CACNB2: variants seen among roughly 807,000 people sequenced by gnomAD.
The protein encoded by CACNB2 is calcium voltage-gated channel auxiliary subunit beta 2.
In CACNB2, 42 loss-of-function variants were observed where a neutral mutation model predicts 73.3. The observed-to-expected ratio is 0.57, with a 90% CI of 0.45 to 0.74. The LOEUF (loss-of-function observed/expected upper bound fraction) is 0.74. Ranked by LOEUF, CACNB2 falls within the 30% of genes least tolerant of loss-of-function variation. The probability of loss-of-function intolerance (pLI) is 0.00; values close to 1 mark genes in which losing one functional copy is unlikely to be tolerated. For synonymous variants in CACNB2, 348 were observed against 310.3 expected, an observed-to-expected ratio of 1.12 and a Z score of -1.28; for missense variants, 940 against 853.0, an observed-to-expected ratio of 1.10 and a Z score of -1.27.
chr10:18,495,310 C>T (rs550398812), intron 3 of CACNB2, among the ~76,000 whole-genome samples: 6 of 151,774 alleles, frequency 4.0e-5, no homozygotes, highest in African/African-American at 1.5e-4. Flanking sequence ...GCCTCTGCCT[C>T]CCGGGTTCAA....
intron 6 of CACNB2, among the ~76,000 whole-genome samples, chr10:18,506,778 A>T (rs143586137): frequency 3.3e-5 from 5 of 152,002 alleles, no homozygotes; most frequent in Non-Finnish European, 5.9e-5. Context: ...AGATGATCAA[A>T]GTGATTAATG....
chr10:18,251,448 A>G (rs1286199257), intron 2 of CACNB2, among the ~76,000 whole-genome samples: 1 of 152,072 alleles, frequency 6.6e-6, no homozygotes, highest in Non-Finnish European at 1.5e-5. Flanking sequence ...GGGTTTCACC[A>G]TGTTGGCCAG....
chr10:18,401,586 T>G (rs2044000565), intron 2 of CACNB2, among the ~76,000 whole-genome samples: 1 of 152,220 alleles, frequency 6.6e-6, no homozygotes, highest in Non-Finnish European at 1.5e-5. Flanking sequence ...TAGATTGTTC[T>G]TGAAGCTATC....
At chr10:18,202,072 A>G (rs904484804) in intron 2 of CACNB2, among the ~76,000 whole-genome samples, 8 of 152,222 alleles carry the variant, frequency 5.3e-5, no homozygotes, top group Non-Finnish European at 1.0e-4. Flanking sequence ...CTCTGTGTTA[A>G]TAGACAGTTC....
chr10:18,174,406 T>C (rs12412532), intron 2 of CACNB2, among the ~76,000 whole-genome samples: 14,456 of 148,348 alleles, frequency 0.097, 798 homozygotes, highest in East Asian at 0.26. Flanking sequence ...CTCTCTTTCT[T>C]TCCTTCTTTC....
intron 2 of CACNB2, among the ~76,000 whole-genome samples, chr10:18,300,821 C>G (rs1390966263): frequency 2.0e-5 from 3 of 151,886 alleles, no homozygotes; most frequent in African/African-American, 7.3e-5. Flanking sequence ...TGCACTCCAG[C>G]CTGGGTAACA....
At chr10:18,203,001 A>G (rs538500640) in intron 2 of CACNB2, among the ~76,000 whole-genome samples, 119 of 152,298 alleles carry the variant, frequency 7.8e-4, no homozygotes, top group Admixed American at 1.3e-3. Flanking sequence ...CCATCACTGA[A>G]CATTTTCCTT....
intron 2 of CACNB2, among the ~76,000 whole-genome samples, chr10:18,259,803 G>T (rs556564901): frequency 6.6e-6 from 1 of 152,004 alleles, no homozygotes; most frequent in East Asian, 1.9e-4. Flanking sequence ...CTTGGGAGTC[G>T]GAGGTGGGAG....
At chr10:18,536,242 C>CTT in intron 12 of CACNB2, 46 bp downstream of exon 12, 1 of 281,274 alleles carries the variant, frequency 3.6e-6, no homozygotes, top group Non-Finnish European at 5.8e-6. Flanking sequence ...AGAGATCAGA[C>CTT]CTTTTTTTTT....
Position 18,540,867 on chromosome 10 carries a change from C to T in CACNB2, c.*1143C>T, listed in dbSNP as rs2054035433. ...ATTTAATTAATTGTGCTATATGTTG[C>T]TTTAACAACCCATTGAGCAGTCAGG... On this transcript the variant is annotated 3_prime_UTR_variant, in exon 14 of 14. Transcript: ENST00000324631. The T allele has an allele frequency of 6.6e-6, 1 of 152,612 alleles. No individual in the cohort carries two copies. The highest frequency in any genetic ancestry group is 1.5e-5 in the Non-Finnish European group (1 of 68,050). The allele number at this position is 152,612 out of a possible 1,614,324, so 9.5% of individuals were successfully genotyped here.
chr10:18,300,962 C>A (rs902836151), intron 2 of CACNB2, among the ~76,000 whole-genome samples: 1 of 152,232 alleles, frequency 6.6e-6, no homozygotes, highest in Non-Finnish European at 1.5e-5. Flanking sequence ...ATAGGATTTC[C>A]TAAGGACTAG....
chr10:18,492,087 A>G (rs940420098), intron 3 of CACNB2, among the ~76,000 whole-genome samples: 4 of 152,154 alleles, frequency 2.6e-5, no homozygotes, highest in African/African-American at 4.8e-5. Flanking sequence ...AAGCAGGCAT[A>G]TCATACATGG....
rs58345605 is a variant in CACNB2 at position 18,172,924 on chromosome 10, C to CT, written c.213+21964dup. Among the ~76,000 whole-genome samples the CT allele has an allele frequency of 1.1e-3, 131 of 117,470 alleles. 3 individuals carry two copies. Among genetic ancestry groups the CT allele is most frequent in the South Asian group, 4.0e-3 (14 of 3,458 alleles). The allele number at this position is 117,470 out of a possible 152,430, so 77.1% of individuals were successfully genotyped here. ...CTTCAAATAGGGAAAATAATAAGGC[C>CT]TTTTTTTTTTTTTTTAAATGGAGTT... On this transcript the variant is annotated intron_variant, in intron 2 of 13. Transcript: ENST00000324631.
rs60877861 is a variant in CACNB2 at position 18,338,916 on chromosome 10, T to C, written c.214-63008T>C. 2.2e-3 allele frequency among the ~76,000 whole-genome samples: 332 copies of C among 151,958 alleles called. 3 individuals are homozygous for C. The highest frequency in any genetic ancestry group is 7.6e-3 in the African/African-American group (316 of 41,448). ...ACCATGCCTAGCTAATTTTTAAATT[T>C]TTTTGCAGAGACGGGGTCTTCCTTT... On this transcript the variant is annotated intron_variant, in intron 2 of 13. Coordinates refer to ENST00000324631, the MANE Select transcript of CACNB2 (RefSeq NM_201596.3).
intron 6 of CACNB2, among the ~76,000 whole-genome samples, chr10:18,510,174 G>A (rs1564632554): frequency 6.6e-6 from 1 of 152,122 alleles, no homozygotes; most frequent in Non-Finnish European, 1.5e-5. Flanking sequence ...GTACATTATA[G>A]AAAGTTCTCA....
At chr10:18,227,940 T>C (rs193165273) in intron 2 of CACNB2, among the ~76,000 whole-genome samples, 5 of 152,102 alleles carry the variant, frequency 3.3e-5, no homozygotes, top group African/African-American at 9.6e-5. Flanking sequence ...AATTTGATGA[T>C]TGAGAGAGTG....
intron 2 of CACNB2, among the ~76,000 whole-genome samples, chr10:18,315,427 A>G (rs1390425188): frequency 1.4e-5 from 2 of 145,674 alleles, no homozygotes; most frequent in Non-Finnish European, 3.0e-5. Flanking sequence ...TTGGGAGGAC[A>G]AGGCAGGAGG....
intron 2 of CACNB2, among the ~76,000 whole-genome samples, chr10:18,323,043 G>A (rs747215853): frequency 2.8e-5 from 4 of 143,724 alleles, no homozygotes; most frequent in Non-Finnish European, 4.5e-5. Context: ...GCCCATTGCT[G>A]GCTTCTCCTC....
At chr10:18,424,445 G>A (rs2045493173) in intron 3 of CACNB2, among the ~76,000 whole-genome samples, 1 of 152,078 alleles carries the variant, frequency 6.6e-6, no homozygotes, top group East Asian at 1.9e-4. Flanking sequence ...TAACGCCTGG[G>A]TGTTGCCATG....
Sources: allele counts gnomAD v4.1 joint callset (sites outside exome capture counted in the v4.1 genomes callset), GRCh38; gene constraint gnomAD v4.1.1; transcripts MANE v1.5; gene names NCBI Gene and HGNC (gene_info 2026-07-23, HGNC 2026-07-21).